GIGYF2: variants seen among roughly 807,000 people sequenced by gnomAD.
The protein encoded by GIGYF2 is GRB10-interacting GYF protein 2.
A neutral mutation model predicts 208.1 loss-of-function variants in GIGYF2; 25 were observed. That is an observed-to-expected ratio of 0.12 (90% CI 0.09 to 0.17). The LOEUF is 0.17. Ranked by LOEUF, GIGYF2 falls within the 10% of genes least tolerant of loss-of-function variation. The pLI is 1.00. For synonymous variants in GIGYF2, 534 were observed against 543.8 expected (o/e 0.98, Z 0.25); for missense variants, 1,302 against 1,579.4 (o/e 0.82, Z 2.98).
chr2:232,822,969 A>G (rs1701138968), intron 21 of GIGYF2, among the ~76,000 whole-genome samples: 1 of 152,154 alleles, frequency 6.6e-6, no homozygotes, highest in South Asian at 2.1e-4. Flanking sequence ...TCACCATTAA[A>G]TATATTGATA....
intron 22 of GIGYF2, among the ~76,000 whole-genome samples, chr2:232,839,033 G>C (rs1482606598): frequency 1.3e-5 from 2 of 152,096 alleles, no homozygotes; most frequent in Non-Finnish European, 2.9e-5. Flanking sequence ...TTTGGGGACT[G>C]TTTGGCATTT....
chr2:232,698,576 G>T (rs973025613), intron 1 of GIGYF2, among the ~76,000 whole-genome samples: 2 of 152,104 alleles, frequency 1.3e-5, no homozygotes, highest in African/African-American at 4.8e-5. Context: ...ATTTTGCCTA[G>T]AACACAAATA....
intron 2 of GIGYF2, among the ~76,000 whole-genome samples, chr2:232,732,661 G>T (rs1441810744): frequency 1.3e-5 from 2 of 148,604 alleles, no homozygotes; most frequent in Admixed American, 6.7e-5. Flanking sequence ...TTTTAATTGA[G>T]ACAAGGTCTT....
chr2:232,776,379 T>C, intron 8 of GIGYF2: 1 of 1,233,216 alleles, frequency 8.1e-7, no homozygotes, highest in Non-Finnish European at 1.2e-6. Flanking sequence ...TGTTGCTATT[T>C]GCCAGTCAGT....
At chr2:232,739,304 G>A (rs1233786904) in intron 3 of GIGYF2, among the ~76,000 whole-genome samples, 3 of 148,310 alleles carry the variant, frequency 2.0e-5, no homozygotes, top group African/African-American at 7.5e-5. Context: ...GTTGCAGTGA[G>A]CCGAAATTGT....
At chr2:232,847,069 GAA>G (rs1702029220) in intron 26 of GIGYF2, among the ~76,000 whole-genome samples, 1 of 152,172 alleles carries the variant, frequency 6.6e-6, no homozygotes, top group African/African-American at 2.4e-5. Context: ...AGGAAAGAAT[GAA>G]TCCCCAAATT....
chr2:232,787,477 A>C, intron 9 of GIGYF2, 148 bp downstream of exon 9: 1 of 748,186 alleles, frequency 1.3e-6, no homozygotes, highest in Non-Finnish European at 2.2e-6. Flanking sequence ...ATTACTAGAA[A>C]AAATTGCAAC....
At chr2:232,763,430 A>T (rs115244440) in intron 8 of GIGYF2, among the ~76,000 whole-genome samples, 296 of 152,298 alleles carry the variant, frequency 1.9e-3, no homozygotes, top group African/African-American at 6.8e-3. Context: ...TTCTATACAT[A>T]TATATCTATG....
At chr2:232,783,565 C>T (rs76948930) in intron 8 of GIGYF2, among the ~76,000 whole-genome samples, 2,330 of 152,152 alleles carry the variant, frequency 0.015, 70 homozygotes, top group African/African-American at 0.054. Flanking sequence ...TTGGTTCAAG[C>T]CATTTTGAAC....
intron 21 of GIGYF2, among the ~76,000 whole-genome samples, chr2:232,832,245 A>G (rs1701442735): frequency 6.6e-6 from 1 of 152,224 alleles, no homozygotes; most frequent in African/African-American, 2.4e-5. Context: ...TCCAAAGATG[A>G]AGGGAATTTC....
intron 2 of GIGYF2, among the ~76,000 whole-genome samples, chr2:232,720,583 A>ATATTTTTTTT (rs376956632): frequency 4.1e-5 from 6 of 144,918 alleles, no homozygotes; most frequent in South Asian, 2.4e-4. Flanking sequence ...ATATATATAT[A>ATATTTTTTTT]TTTTTGTTTG....
At chr2:232,776,023 A>G (rs1440957384) in intron 8 of GIGYF2, among the ~76,000 whole-genome samples, 1 of 152,170 alleles carries the variant, frequency 6.6e-6, no homozygotes, top group Non-Finnish European at 1.5e-5. Flanking sequence ...TAGGATACTC[A>G]TCACTTTCTT....
intron 2 of GIGYF2, among the ~76,000 whole-genome samples, chr2:232,726,829 C>T (rs1697222976): frequency 6.6e-6 from 1 of 152,134 alleles, no homozygotes; most frequent in Admixed American, 6.5e-5. Context: ...AATCATTATG[C>T]ACTAAGCAAC....
In GIGYF2 at chr2:232,812,492, GT is replaced by G; in HGVS notation, c.2107+2del. The G allele has an allele frequency of 7.9e-7, 1 of 1,266,850 alleles. No individual in the cohort carries two copies. Among genetic ancestry groups the G allele is most frequent in the Non-Finnish European group, 1.2e-6 (1 of 863,732 alleles). The allele number at this position is 1,266,850 out of a possible 1,614,324, so 78.5% of individuals were successfully genotyped here. ...CAGCCAACAGCTTCACAGCCTACAG[GT>G]AAAAACTTAGATTAACCTTTAGTAC... On this transcript the variant is annotated splice_donor_variant, in intron 18 of 28. Coordinates refer to ENST00000373563, the MANE Select transcript of GIGYF2 (RefSeq NM_001103146.3). LOFTEE classifies it high-confidence loss of function.
intron 2 of GIGYF2, among the ~76,000 whole-genome samples, chr2:232,734,080 A>C (rs115214836): frequency 0.012 from 1,849 of 150,278 alleles, 41 homozygotes; most frequent in African/African-American, 0.043. Flanking sequence ...ACTTTTAAAA[A>C]ATTTATATTT....
intron 5 of GIGYF2, among the ~76,000 whole-genome samples, chr2:232,753,169 G>GC (rs1698399703): frequency 6.6e-6 from 1 of 151,358 alleles, no homozygotes. Context: ...TGTTGCCCAG[G>GC]CTAGAGTGCA....
intron 5 of GIGYF2, 72 bp from the exon 6 acceptor site, chr2:232,756,151 T>G: frequency 1.2e-6 from 1 of 868,790 alleles, no homozygotes; most frequent in Non-Finnish European, 1.8e-6. Flanking sequence ...CAACATGTAG[T>G]TTTATCTGTT....
At chr2:232,737,687 T>C (rs1697790757) in intron 3 of GIGYF2, among the ~76,000 whole-genome samples, 1 of 152,130 alleles carries the variant, frequency 6.6e-6, no homozygotes, top group Admixed American at 6.6e-5. Flanking sequence ...AGGATTTAGA[T>C]TGTTAACATC....
At chr2:232,700,389 A>T (rs1181675941) in intron 1 of GIGYF2, among the ~76,000 whole-genome samples, 1 of 152,248 alleles carries the variant, frequency 6.6e-6, no homozygotes, top group Non-Finnish European at 1.5e-5. Context: ...TCACATTGGA[A>T]GATGACACTG....
Sources: gnomAD v4.1 joint callset for allele counts (sites outside exome capture counted in the v4.1 genomes callset) on GRCh38, gnomAD v4.1.1 for gene constraint, MANE v1.5 for transcripts, NCBI Gene and HGNC (gene_info 2026-07-23, HGNC 2026-07-21) for gene names.